SORCS1: variants seen among roughly 807,000 people sequenced by gnomAD.
The protein encoded by SORCS1 is sortilin related VPS10 domain containing receptor 1, also known as VPS10 domain-containing receptor SorCS1.
SORCS1 carries 60 observed loss-of-function variants against 146.1 expected under a neutral mutation model. The ratio of observed to expected loss-of-function variants is 0.41; its 90% CI spans 0.33 to 0.51. SORCS1 has a LOEUF of 0.51. Among genes scored for constraint, SORCS1 ranks in the 20% least tolerant of loss-of-function variants. The pLI is 0.21. For synonymous variants in SORCS1, 637 were observed against 584.0 expected (o/e 1.09, Z -1.31); for missense variants, 1,352 against 1,487.6 (o/e 0.91, Z 1.50).
chr10:107,044,457 A>T (rs1959207885), intron 1 of SORCS1, among the ~76,000 whole-genome samples: 2 of 151,378 alleles, frequency 1.3e-5, no homozygotes, highest in South Asian at 4.2e-4. Context: ...TTTATGAAAT[A>T]AACAAATAAA....
At chr10:107,151,208 T>C (rs779286683) in intron 1 of SORCS1, among the ~76,000 whole-genome samples, 3 of 152,048 alleles carry the variant, frequency 2.0e-5, no homozygotes, top group East Asian at 3.9e-4. Context: ...AGAGACAGGA[T>C]GGTGTGGGAA....
intron 1 of SORCS1, among the ~76,000 whole-genome samples, chr10:106,964,534 T>G (rs912922276): frequency 5.3e-5 from 8 of 152,220 alleles, no homozygotes; most frequent in African/African-American, 1.4e-4. Context: ...TCACCCAGGC[T>G]GGAGTGCAGT....
At chr10:106,966,299 T>A (rs1536672) in intron 1 of SORCS1, among the ~76,000 whole-genome samples, 1 of 152,070 alleles carries the variant, frequency 6.6e-6, no homozygotes, top group South Asian at 2.1e-4. Flanking sequence ...CACACTAACA[T>A]GTGAAGTCAA....
chr10:106,819,501 G>A (rs552448270), intron 3 of SORCS1, among the ~76,000 whole-genome samples: 2 of 152,294 alleles, frequency 1.3e-5, no homozygotes, highest in Admixed American at 6.5e-5. Context: ...TATACGTGAC[G>A]AGTGCAGAAA....
intron 6 of SORCS1, among the ~76,000 whole-genome samples, chr10:106,720,408 C>G (rs1855699854): frequency 6.6e-6 from 1 of 151,086 alleles, no homozygotes; most frequent in Non-Finnish European, 1.5e-5. Flanking sequence ...TAGTGTCTAC[C>G]TCCAAGGATT....
At chr10:106,814,847 G>A (rs1473247264) in intron 3 of SORCS1, among the ~76,000 whole-genome samples, 6 of 143,820 alleles carry the variant, frequency 4.2e-5, no homozygotes, top group East Asian at 2.1e-4. Flanking sequence ...CCTGGGAGGC[G>A]GAGCTTGCAG....
intron 1 of SORCS1, among the ~76,000 whole-genome samples, chr10:106,972,996 T>C (rs1239980925): frequency 6.6e-6 from 1 of 152,166 alleles, no homozygotes; most frequent in African/African-American, 2.4e-5. Context: ...TCTTCTACCA[T>C]TGAGGCTGAG....
At chr10:106,911,239 C>A (rs1952135706) in intron 2 of SORCS1, among the ~76,000 whole-genome samples, 1 of 152,192 alleles carries the variant, frequency 6.6e-6, no homozygotes, top group East Asian at 1.9e-4. Context: ...GAAAAGCTGG[C>A]TTTTCAAAGG....
intron 1 of SORCS1, among the ~76,000 whole-genome samples, chr10:107,032,536 A>G (rs1958707964): frequency 6.6e-6 from 1 of 152,070 alleles, no homozygotes; most frequent in African/African-American, 2.4e-5. Context: ...TTCTACCTCT[A>G]GTTTCCTGGA....
chr10:107,136,418 T>G (rs1294979061), intron 1 of SORCS1, among the ~76,000 whole-genome samples: 2 of 152,116 alleles, frequency 1.3e-5, no homozygotes, highest in Non-Finnish European at 2.9e-5. Context: ...AAAAACACAA[T>G]GCATCATGTT....
chr10:106,577,862 A>G lies in SORCS1; in HGVS notation c.3372-307T>C, dbSNP rs559915755. 24 of 248,626 alleles carry G rather than the reference A, an allele frequency of 9.7e-5. No individual in the cohort carries two copies. The East Asian group carries it at 2.0e-3, about 21-fold the overall frequency. The allele number at this position is 248,626 out of a possible 1,614,324, so 15.4% of individuals were successfully genotyped here. A position where few individuals can be genotyped will look rare whatever the true frequency, so the allele number is the denominator to read the frequency against. On this transcript the variant is annotated intron_variant, in intron 25 of 25. Coordinates refer to ENST00000263054, the MANE Select transcript of SORCS1 (RefSeq NM_052918.5). ...TTTATTACCTTGCCTCTCCAAATAAAAGAAAGTGCACTGTGAAAATCGGAC... is the reference window on the plus strand; with the variant it reads ...TTTATTACCTTGCCTCTCCAAATAAGAGAAAGTGCACTGTGAAAATCGGAC...
At chr10:107,172,844 G>T in the SORCS1 span, among the ~76,000 whole-genome samples, 1 of 152,162 alleles carries the variant, frequency 6.6e-6, no homozygotes, top group African/African-American at 2.4e-5. Context: ...AACTGAAAAT[G>T]TTCCTGTTTT....
chr10:106,873,674 T>C (rs74152251), intron 2 of SORCS1, among the ~76,000 whole-genome samples: 1 of 152,312 alleles, frequency 6.6e-6, no homozygotes, highest in African/African-American at 2.4e-5. Context: ...TATATTTCTC[T>C]AATTCTCTCA....
intron 1 of SORCS1, among the ~76,000 whole-genome samples, chr10:106,990,263 A>G (rs1389248897): frequency 6.6e-6 from 1 of 152,026 alleles, no homozygotes; most frequent in Non-Finnish European, 1.5e-5. Context: ...TTGGAAGTCT[A>G]CTGCTATTTC....
At chr10:106,662,183 A>G (rs754511525) in intron 17 of SORCS1, among the ~76,000 whole-genome samples, 5 of 152,248 alleles carry the variant, frequency 3.3e-5, no homozygotes, top group Admixed American at 6.5e-5. Context: ...ATAGCATTTT[A>G]TTGGGCACAA....
intron 1 of SORCS1, among the ~76,000 whole-genome samples, chr10:107,084,512 T>C (rs1432973148): frequency 6.6e-6 from 1 of 152,052 alleles, no homozygotes; most frequent in Non-Finnish European, 1.5e-5. Context: ...TGTGTATGTA[T>C]ATGTATGGGA....
At chr10:106,603,392 C>A (rs1416099612) in intron 23 of SORCS1, among the ~76,000 whole-genome samples, 2 of 152,346 alleles carry the variant, frequency 1.3e-5, no homozygotes, top group Middle Eastern at 3.4e-3. Flanking sequence ...ACTCGATTAA[C>A]CCAGCCCGCC....
rs554784221 is a variant in SORCS1, at chr10:106,801,735, T to G, written c.727-25043A>C. 6.5e-4 allele frequency among the ~76,000 whole-genome samples: 99 copies of G among 152,222 alleles called. 1 individual carries two copies. In the South Asian group the frequency reaches 0.02, roughly 31 times the overall value. On this transcript the variant is annotated intron_variant, in intron 3 of 25. Transcript: ENST00000263054. ...TTACTAGAGATGTGGTTTCACTGTG[T>G]TAGCCAGGACGGTCTCGATCTCCTG...
intron 1 of SORCS1, among the ~76,000 whole-genome samples, chr10:107,051,389 A>G (rs1409405019): frequency 1.3e-5 from 2 of 152,176 alleles, no homozygotes; most frequent in Non-Finnish European, 2.9e-5. Context: ...CATAGTACAG[A>G]AAGCTCAGTA....
Sources: gnomAD v4.1 joint callset for allele counts (sites outside exome capture counted in the v4.1 genomes callset) on GRCh38, gnomAD v4.1.1 for gene constraint, MANE v1.5 for transcripts, NCBI Gene and HGNC (gene_info 2026-07-23, HGNC 2026-07-21) for gene names.